Variants in CPB1 observed in about 807,000 individuals in gnomAD.
CPB1 encodes carboxypeptidase B.
CPB1 carries 53 observed loss-of-function variants against 51.4 expected under a neutral mutation model. That is an observed-to-expected ratio of 1.03 (90% confidence interval 0.83 to 1.30). CPB1 has a LOEUF of 1.30. Ranked by LOEUF, CPB1 falls within the 50% of genes most tolerant of loss-of-function variation. The pLI, the probability that CPB1 is intolerant of heterozygous loss-of-function variation, is 0.00. For synonymous variants in CPB1, 189 were observed against 186.9 expected (o/e 1.01, Z -0.09); for missense variants, 494 against 516.2 (o/e 0.96, Z 0.42).
At chr3:148,837,888 C>G (rs558943875) in intron 3 of CPB1, among the ~76,000 whole-genome samples, 1 of 152,160 alleles carries the variant, frequency 6.6e-6, no homozygotes, top group East Asian at 1.9e-4. Context: ...GTAGTAATAA[C>G]TCTAACAGAA....
intron 9 of CPB1, chr3:148,854,072 T>G (rs1713505574): frequency 6.6e-6 from 1 of 152,216 alleles, no homozygotes; most frequent in South Asian, 2.1e-4. Context: ...TTCCATCATC[T>G]GCCCTCATCT....
chr3:148,852,225 C>A (rs1399929198), intron 9 of CPB1, among the ~76,000 whole-genome samples: 1 of 152,160 alleles, frequency 6.6e-6, no homozygotes, highest in Non-Finnish European at 1.5e-5. Flanking sequence ...AAAATAAATT[C>A]TAGTTTACCA....
chr3:148,845,314 C>G, intron 8 of CPB1, 110 bp from the exon 9 acceptor site: 1 of 810,182 alleles, frequency 1.2e-6, no homozygotes, highest in Non-Finnish European at 2.0e-6. Context: ...ACTTTAAGGA[C>G]TCCTTGATAA....
At chr3:148,858,778 A>G (rs946690502) in intron 10 of CPB1, among the ~76,000 whole-genome samples, 7 of 152,074 alleles carry the variant, frequency 4.6e-5, no homozygotes, top group Non-Finnish European at 1.0e-4. Flanking sequence ...GGCACATTCC[A>G]CAGGCCTCAT....
chr3:148,849,574 T>TTAA lies in CPB1; in HGVS notation c.981+3963_981+3965dup, dbSNP rs149687062. ...CTGCAAAGATGTCTACATGACACTG[T>TTAA]TAATAATAATAATAATACAACTTCA... On this transcript the variant is annotated intron_variant, in intron 9 of 10. Coordinates refer to ENST00000282957, the MANE Select transcript of CPB1 (RefSeq NM_001871.3). 4.8e-3 allele frequency among the ~76,000 whole-genome samples: 728 copies of TTAA among 152,084 alleles called. 3 individuals are homozygous for TTAA. Among genetic ancestry groups the TTAA allele is most frequent in the Middle Eastern group, 0.01 (3 of 292 alleles).
At chr3:148,844,794 T>C in intron 8 of CPB1, 27 bp downstream of exon 8, 1 of 1,589,058 alleles carries the variant, frequency 6.3e-7, no homozygotes, top group Non-Finnish European at 8.6e-7. Flanking sequence ...CCATTTTGCA[T>C]GTATCCATTG....
chr3:148,833,231 T>C (rs755479564), intron 2 of CPB1, among the ~76,000 whole-genome samples: 4 of 152,128 alleles, frequency 2.6e-5, no homozygotes, highest in African/African-American at 4.8e-5. Context: ...ACTCTATCCT[T>C]TCAATCCCTT....
At chr3:148,849,825 G>A (rs761165334) in intron 9 of CPB1, among the ~76,000 whole-genome samples, 3 of 152,246 alleles carry the variant, frequency 2.0e-5, no homozygotes, top group East Asian at 1.9e-4. Context: ...AATGCTTGGC[G>A]AAGCCAACAC....
chr3:148,844,018 A>G (rs1028650106), intron 6 of CPB1, among the ~76,000 whole-genome samples: 1 of 152,190 alleles, frequency 6.6e-6, no homozygotes, highest in Non-Finnish European at 1.5e-5. Context: ...AGGAGGTTTT[A>G]TAGAAAAGAA....
intron 9 of CPB1, among the ~76,000 whole-genome samples, chr3:148,846,774 CAT>C (rs1559960116): frequency 2.0e-4 from 10 of 48,978 alleles, no homozygotes; most frequent in South Asian, 7.1e-4. Context: ...TATATATACA[CAT>C]ATATATGTGT....
intron 9 of CPB1, among the ~76,000 whole-genome samples, chr3:148,853,716 T>G (rs1713495590): frequency 6.6e-6 from 1 of 152,218 alleles, no homozygotes. Flanking sequence ...AACACTTCTT[T>G]TGAAGTATTC....
chr3:148,842,222 TA>T (rs71617489), intron 6 of CPB1, among the ~76,000 whole-genome samples: 60 of 149,550 alleles, frequency 4.0e-4, no homozygotes, highest in African/African-American at 1.3e-3. Flanking sequence ...CTCATCTCTT[TA>T]AAAAAAAAAA....
At chr3:148,856,102 C>T (rs188884737) in intron 9 of CPB1, 38 of 152,252 alleles carry the variant, frequency 2.5e-4, no homozygotes, top group Admixed American at 4.6e-4. Context: ...TAGGCCACAA[C>T]AGTAAAGATT....
rs558491294 is a variant in CPB1, at chr3:148,834,712, C to G, written c.272+90C>G. The G allele has an allele frequency of 1.9e-5, 25 of 1,309,798 alleles. 1 individual carries two copies. In the South Asian group the frequency reaches 3.4e-4, roughly 18 times the overall value. The allele number at this position is 1,309,798 out of a possible 1,614,324, so 81.1% of individuals were successfully genotyped here. On this transcript the variant is annotated intron_variant, in intron 3 of 10. Coordinates refer to ENST00000282957, the MANE Select transcript of CPB1 (RefSeq NM_001871.3). ...TAACTCTGGGAAGGAAGAAATGAGACCAAGACCAATGCCTTCCCCAGGACC... is the reference window on the plus strand; with the variant it reads ...TAACTCTGGGAAGGAAGAAATGAGAGCAAGACCAATGCCTTCCCCAGGACC...
chr3:148,854,273 T>C (rs572500516), intron 9 of CPB1: 3 of 152,350 alleles, frequency 2.0e-5, no homozygotes, highest in Admixed American at 6.5e-5. Context: ...TATGGACAGA[T>C]AATGTTGAGA....
chr3:148,857,346 C>A (rs16861072), intron 9 of CPB1, 111 bp from the exon 10 acceptor site: 10 of 753,468 alleles, frequency 1.3e-5, no homozygotes, highest in Admixed American at 1.2e-4. Context: ...GCATATAATA[C>A]GATCCAAATT....
At chr3:148,846,531 A>G (rs1713244440) in intron 9 of CPB1, among the ~76,000 whole-genome samples, 4 of 151,614 alleles carry the variant, frequency 2.6e-5, no homozygotes, top group Admixed American at 2.6e-4. Flanking sequence ...GTAACTTTAA[A>G]ACTGAAAATT....
chr3:148,844,395 T>C, intron 6 of CPB1, 83 bp from the exon 7 acceptor site: 2 of 991,054 alleles, frequency 2.0e-6, no homozygotes, highest in South Asian at 2.9e-5. Context: ...ATTACCAAAG[T>C]TAACATTCAA....
At position 148,844,754 on chromosome 3, in the gene CPB1, T is replaced by G. The variant is rs778491065; in HGVS notation, c.765T>G (p.Asp255Glu). The change falls in exon 8 of 11, where the codon GAT becomes GAG. Residue 255 changes from aspartate (D) to glutamate (E), a missense_variant. Physicochemically the swap from Asp to Glu is conservative, Grantham distance 45. Transcript: ENST00000282957. ...CIGTDPNRNF[D>E]AGWCEIGASR... ...GCACAGACCCCAACAGAAATTTTGA[T>G]GCTGGTTGGTGTGGTAAGTATCTGG... The G allele has an allele frequency of 2.1e-5, 34 of 1,613,768 alleles. No individual in the cohort carries two copies. The African/African-American group carries it at 4.5e-4, about 22-fold the overall frequency.
Sources: gnomAD v4.1 joint callset for allele counts (sites outside exome capture counted in the v4.1 genomes callset) on GRCh38, gnomAD v4.1.1 for gene constraint, MANE v1.5 for transcripts, NCBI Gene and HGNC (gene_info 2026-07-23, HGNC 2026-07-21) for gene names.